Variants in TRAPPC6B observed in about 807,000 individuals in gnomAD.
TRAPPC6B encodes trafficking protein particle complex subunit 6B.
In TRAPPC6B, 27 loss-of-function variants were observed where a neutral mutation model predicts 24.7. The ratio of observed to expected loss-of-function variants is 1.09; its 90% CI spans 0.81 to 1.51. The LOEUF is 1.51. Ranked by LOEUF, TRAPPC6B falls within the 40% of genes most tolerant of loss-of-function variation. The pLI is 0.00. For missense variants in TRAPPC6B, 212 were observed against 190.8 expected, an observed-to-expected ratio of 1.11 and a Z score of -0.66; for synonymous variants, 80 against 66.6, an observed-to-expected ratio of 1.20 and a Z score of -0.98.
At chr14:39,162,576 T>A (rs771700937) in intron 1 of TRAPPC6B, among the ~76,000 whole-genome samples, 9 of 152,174 alleles carry the variant, frequency 5.9e-5, no homozygotes, top group Non-Finnish European at 1.3e-4. Flanking sequence ...CTCTCCTAGG[T>A]TATAAAACCT....
chr14:39,154,343 C>T, intron 3 of TRAPPC6B, 49 bp from the exon 4 acceptor site: 1 of 1,077,650 alleles, frequency 9.3e-7, no homozygotes, highest in African/African-American at 1.6e-5. Flanking sequence ...CCTAGCAGTC[C>T]TTAAAATTAT....
intron 1 of TRAPPC6B, among the ~76,000 whole-genome samples, chr14:39,160,845 C>G (rs1180216731): frequency 6.6e-6 from 1 of 152,112 alleles, no homozygotes; most frequent in African/African-American, 2.4e-5. Flanking sequence ...TTCTAGAGTT[C>G]TTATAAATAA....
At chr14:39,155,053 C>T (rs944930751) in intron 3 of TRAPPC6B, among the ~76,000 whole-genome samples, 1 of 151,966 alleles carries the variant, frequency 6.6e-6, no homozygotes, top group East Asian at 1.9e-4. Context: ...CTCAGCCTTC[C>T]GAGTAGCTGG....
At position 39,170,185 on chromosome 14, in the gene TRAPPC6B, C is replaced by T. The variant is rs2053154705; in HGVS notation, c.-90G>A. Reference sequence around the variant, plus strand: ...TCGCGCCTCAGCGACTTCGCCGGCGCCGCGGCTCCGTCAGGCCGCCATTCT... The same window carrying T: ...TCGCGCCTCAGCGACTTCGCCGGCGTCGCGGCTCCGTCAGGCCGCCATTCT... On this transcript the variant is annotated 5_prime_UTR_variant, in exon 1 of 6. Transcript: ENST00000330149. The T allele has an allele frequency of 3.8e-6, 5 of 1,302,758 alleles. No individual in the cohort carries two copies. The highest frequency in any genetic ancestry group is 5.5e-6 in the Non-Finnish European group (5 of 916,238). 80.7% of individuals were successfully genotyped at this position (1,302,758 alleles called of 1,614,324 possible). A position where few individuals can be genotyped will look rare whatever the true frequency, so the allele number is the denominator to read the frequency against.
At chr14:39,153,462 TA>T (rs973315125) in intron 4 of TRAPPC6B, among the ~76,000 whole-genome samples, 2 of 143,856 alleles carry the variant, frequency 1.4e-5, no homozygotes, top group Non-Finnish European at 3.0e-5. Flanking sequence ...ATCCCATCTC[TA>T]AAAAATTTTT....
At chr14:39,160,582 A>G (rs1171577059) in intron 1 of TRAPPC6B, among the ~76,000 whole-genome samples, 2 of 146,010 alleles carry the variant, frequency 1.4e-5, no homozygotes, top group Admixed American at 6.8e-5. Context: ...AAGAAAGAAA[A>G]GAGAAGAGAA....
chr14:39,166,750 G>A (rs1264329007), intron 1 of TRAPPC6B, among the ~76,000 whole-genome samples: 1 of 152,054 alleles, frequency 6.6e-6, no homozygotes, highest in Non-Finnish European at 1.5e-5. Flanking sequence ...CCTAAAAAAG[G>A]CCTTTTGAGA....
At chr14:39,166,268 AAC>A (rs1320209632) in intron 1 of TRAPPC6B, among the ~76,000 whole-genome samples, 2 of 114,540 alleles carry the variant, frequency 1.7e-5, no homozygotes. Flanking sequence ...AAAAAAAAAA[AAC>A]AAAAAAACAA....
intron 1 of TRAPPC6B, among the ~76,000 whole-genome samples, chr14:39,163,873 T>A (rs907067615): frequency 2.0e-5 from 3 of 150,962 alleles, no homozygotes; most frequent in African/African-American, 7.5e-5. Context: ...ATTTTATTAA[T>A]GTCTTCAGCC....
chr14:39,157,438 G>A (rs1672590230), intron 3 of TRAPPC6B: 1 of 336,818 alleles, frequency 3.0e-6, no homozygotes, highest in African/African-American at 2.2e-5. Context: ...AGGCAAAGGG[G>A]ATGTCCCCAC....
chr14:39,170,089 C>T lies in TRAPPC6B; in HGVS notation c.7G>A (p.Asp3Asn). The T allele has an allele frequency of 6.2e-7, 1 of 1,614,208 alleles. No individual in the cohort carries two copies. The highest frequency in any genetic ancestry group is 1.6e-4 in the Middle Eastern group (1 of 6,062). The change falls in exon 1 of 6, where the codon GAT (aspartate) becomes AAT (asparagine). Residue 3 changes from aspartate (D) to asparagine (N), a missense_variant. Transcript: ENST00000330149. ...TGGAGAAGCAAAAACAACGCCTCAT[C>T]CGCCATTTCCTGCTAATTCTTCCAA... MA[D>N]EALFLLLHNE...
intron 1 of TRAPPC6B, among the ~76,000 whole-genome samples, chr14:39,162,324 AT>A (rs796943468): frequency 7.0e-3 from 986 of 141,356 alleles, no homozygotes; most frequent in Middle Eastern, 0.014. Flanking sequence ...ATGCCTGGCT[AT>A]TTTTTTTTTT....
At chr14:39,153,851 C>T (rs1190745557) in intron 4 of TRAPPC6B, among the ~76,000 whole-genome samples, 1 of 151,854 alleles carries the variant, frequency 6.6e-6, no homozygotes, top group African/African-American at 2.4e-5. Context: ...ATTGCAGGCG[C>T]TCGCCAGAAC....
intron 1 of TRAPPC6B, among the ~76,000 whole-genome samples, chr14:39,160,940 A>G (rs1029648896): frequency 1.4e-4 from 21 of 152,224 alleles, no homozygotes; most frequent in African/African-American, 4.3e-4. Context: ...TGTAATACAC[A>G]TAACATTTTA....
At chr14:39,167,798 G>A (rs188948987) in intron 1 of TRAPPC6B, among the ~76,000 whole-genome samples, 184 of 151,628 alleles carry the variant, frequency 1.2e-3, no homozygotes, top group African/African-American at 4.1e-3. Context: ...TCTCTTGTAT[G>A]TTAGTCCATC....
chr14:39,162,314 A>G (rs2053068342), intron 1 of TRAPPC6B, among the ~76,000 whole-genome samples: 1 of 146,620 alleles, frequency 6.8e-6, no homozygotes, highest in Admixed American at 6.7e-5. Context: ...GCACATCACC[A>G]TGCCTGGCTA....
chr14:39,165,186 C>T (rs1042891582), intron 1 of TRAPPC6B, among the ~76,000 whole-genome samples: 1 of 152,052 alleles, frequency 6.6e-6, no homozygotes, highest in African/African-American at 2.4e-5. Flanking sequence ...GCTGGGACTA[C>T]AGGCGACCGC....
Position 39,170,195 on chromosome 14 carries a change from G to C in TRAPPC6B, c.-100C>G, listed in dbSNP as rs755203826. On this transcript the variant is annotated 5_prime_UTR_variant, in exon 1 of 6. Coordinates refer to ENST00000330149, the MANE Select transcript of TRAPPC6B (RefSeq NM_001079537.2). ...GCGACTTCGCCGGCGCCGCGGCTCCGTCAGGCCGCCATTCTATCCCTGTGG... is the reference window on the plus strand; with the variant it reads ...GCGACTTCGCCGGCGCCGCGGCTCCCTCAGGCCGCCATTCTATCCCTGTGG... 40 of 1,135,528 alleles carry C rather than the reference G, an allele frequency of 3.5e-5. No homozygotes were observed. Among genetic ancestry groups the C allele is most frequent in the Non-Finnish European group, 5.1e-5 (39 of 768,876 alleles). 70.3% of individuals were successfully genotyped at this position (1,135,528 alleles called of 1,614,324 possible).
At chr14:39,168,605 CCTT>C (rs982105729) in intron 1 of TRAPPC6B, among the ~76,000 whole-genome samples, 2 of 152,156 alleles carry the variant, frequency 1.3e-5, no homozygotes, top group Admixed American at 6.5e-5. Context: ...TATCTTACCT[CCTT>C]ATTTTTTTCT....
Sources: allele counts gnomAD v4.1 joint callset (sites outside exome capture counted in the v4.1 genomes callset), GRCh38; gene constraint gnomAD v4.1.1; transcripts MANE v1.5; gene names NCBI Gene and HGNC (gene_info 2026-07-23, HGNC 2026-07-21).